Variants in ACBD6 observed in about 807,000 individuals in gnomAD.
The protein encoded by ACBD6 is acyl-CoA-binding domain-containing protein 6.
In ACBD6, 28 loss-of-function variants were observed where a neutral mutation model predicts 37.2. The observed-to-expected ratio is 0.75, with a 90% CI of 0.56 to 1.03. The LOEUF is 1.03. Among genes scored for constraint, ACBD6 ranks in the 50% least tolerant of loss-of-function variants. The pLI is 0.00. For synonymous variants in ACBD6, 113 were observed against 126.8 expected (o/e 0.89, Z 0.73); for missense variants, 340 against 337.4 (o/e 1.01, Z -0.06).
chr1:180,492,959 A>G (rs191869626), intron 2 of ACBD6, among the ~76,000 whole-genome samples: 3 of 152,104 alleles, frequency 2.0e-5, no homozygotes, highest in Admixed American at 6.5e-5. Context: ...GGCAGAAATA[A>G]GAATACTGGC....
At chr1:180,472,048 C>A (rs1232819699) in intron 3 of ACBD6, among the ~76,000 whole-genome samples, 2 of 152,142 alleles carry the variant, frequency 1.3e-5, no homozygotes, top group Non-Finnish European at 2.9e-5. Context: ...TAAAGTTATT[C>A]ACTTAATGAT....
At chr1:180,271,978 G>A in intron 13 of ACBD6, 1 of 1,612,970 alleles carries the variant, frequency 6.2e-7, no homozygotes, top group Non-Finnish European at 8.5e-7. Flanking sequence ...AGGACTGTGG[G>A]GTTAGTGACA....
intron 6 of ACBD6, among the ~76,000 whole-genome samples, chr1:180,363,272 T>C (rs1452990309): frequency 6.6e-6 from 1 of 152,168 alleles, no homozygotes; most frequent in East Asian, 1.9e-4. Flanking sequence ...TTTAAAACGA[T>C]TGTGAGGAAA....
chr1:180,456,337 C>T (rs143914345), intron 3 of ACBD6, among the ~76,000 whole-genome samples: 18 of 152,054 alleles, frequency 1.2e-4, no homozygotes, highest in South Asian at 6.2e-4. Flanking sequence ...TATCAAGGAA[C>T]GGCACAAGTG....
At chr1:180,457,788 T>C (rs1161591776) in intron 3 of ACBD6, among the ~76,000 whole-genome samples, 1 of 149,174 alleles carries the variant, frequency 6.7e-6, no homozygotes, top group East Asian at 1.9e-4. Context: ...CCACAAAAAT[T>C]AACTGTTTTT....
At chr1:180,472,991 T>C (rs927012535) in intron 3 of ACBD6, among the ~76,000 whole-genome samples, 1 of 152,066 alleles carries the variant, frequency 6.6e-6, no homozygotes, top group Non-Finnish European at 1.5e-5. Flanking sequence ...AACAAAAGCA[T>C]AGAATAATTC....
intron 6 of ACBD6, among the ~76,000 whole-genome samples, chr1:180,337,139 C>T (rs1424278299): frequency 6.6e-6 from 1 of 152,136 alleles, no homozygotes; most frequent in African/African-American, 2.4e-5. Flanking sequence ...GGGAATCCTC[C>T]CTAACTCATT....
rs143361320 is a variant in ACBD6, at chr1:180,366,461, G to C, written c.663+31055C>G. On this transcript the variant is annotated intron_variant, in intron 6 of 7. Coordinates refer to ENST00000367595, the MANE Select transcript of ACBD6 (RefSeq NM_032360.4). The stretch of plus-strand genomic sequence containing the variant: ...TCTGGTTAATAGCAGTACCAAGAGA[G>C]AATGTAGCCAGGGGACCATTAAGAA... Among the ~76,000 whole-genome samples, 722 of 152,286 alleles carry C rather than the reference G, an allele frequency of 4.7e-3. 5 individuals carry two copies. Among genetic ancestry groups the C allele is most frequent in the African/African-American group, 0.016 (680 of 41,566 alleles).
chr1:180,488,263 C>A (rs934619190), intron 3 of ACBD6, among the ~76,000 whole-genome samples: 1 of 152,020 alleles, frequency 6.6e-6, no homozygotes, highest in East Asian at 1.9e-4. Flanking sequence ...ATCCTCCCCC[C>A]AAAACAAAGG....
intron 3 of ACBD6, among the ~76,000 whole-genome samples, chr1:180,438,127 T>A (rs1202638320): frequency 6.6e-6 from 1 of 152,164 alleles, no homozygotes; most frequent in Non-Finnish European, 1.5e-5. Context: ...GAACTGCACA[T>A]GTGAGGGGTC....
chr1:180,274,595 AC>A, intron 10 of ACBD6: 1 of 1,544,056 alleles, frequency 6.5e-7, no homozygotes, highest in African/African-American at 1.4e-5. Flanking sequence ...TCTCCTCCCC[AC>A]CCTACCTGCC....
At chr1:180,449,656 C>G (rs930240269) in intron 3 of ACBD6, among the ~76,000 whole-genome samples, 1 of 152,010 alleles carries the variant, frequency 6.6e-6, no homozygotes, top group Non-Finnish European at 1.5e-5. Flanking sequence ...GATCTGCCCT[C>G]CTCGGCCTCC....
chr1:180,384,686 G>T (rs770507721), intron 6 of ACBD6, among the ~76,000 whole-genome samples: 7 of 152,094 alleles, frequency 4.6e-5, no homozygotes, highest in Non-Finnish European at 1.0e-4. Flanking sequence ...TGTATCAAAG[G>T]TACACCTGCA....
intron 9 of ACBD6, chr1:180,276,714 G>C (rs1270597225): frequency 6.6e-6 from 1 of 152,252 alleles, no homozygotes; most frequent in East Asian, 1.9e-4. Flanking sequence ...TGAACCAGAT[G>C]AAAAGCTGCC....
In ACBD6 at chr1:180,496,493, T is replaced by G. The variant is rs763434797; in HGVS notation, c.223-968A>C. 8.5e-5 allele frequency among the ~76,000 whole-genome samples: 13 copies of G among 152,320 alleles called. 1 individual carries two copies. The highest frequency in any genetic ancestry group is 3.4e-3 in the Middle Eastern group (1 of 294). ...AACTGATGCCTTCATCTAACCAGAA[T>G]GATCTACTGACTGCCTTAGGTATTC... On this transcript the variant is annotated intron_variant, in intron 1 of 7. Coordinates refer to ENST00000367595, the MANE Select transcript of ACBD6 (RefSeq NM_032360.4).
At chr1:180,431,879 C>T (rs1048056330) in intron 3 of ACBD6, among the ~76,000 whole-genome samples, 5 of 152,058 alleles carry the variant, frequency 3.3e-5, no homozygotes, top group African/African-American at 9.7e-5. Context: ...TACTGGGTTT[C>T]GCAATGACTT....
At chr1:180,413,263 A>T in intron 5 of ACBD6, 103 bp downstream of exon 5, 1 of 831,480 alleles carries the variant, frequency 1.2e-6, no homozygotes. Context: ...TCTTAACCAT[A>T]CTGTACTTTG....
chr1:180,337,511 A>G (rs1474081576), intron 6 of ACBD6, among the ~76,000 whole-genome samples: 1 of 152,218 alleles, frequency 6.6e-6, no homozygotes, highest in Non-Finnish European at 1.5e-5. Flanking sequence ...TCTCAAAATA[A>G]TAAGAGCTAT....
chr1:180,386,834 T>TC (rs397825792), intron 6 of ACBD6, among the ~76,000 whole-genome samples: 1 of 45,704 alleles, frequency 2.2e-5, no homozygotes, highest in Non-Finnish European at 1.0e-4. Context: ...TGTTTGTAAC[T>TC]ACTCATTGAA....
Sources: allele counts gnomAD v4.1 joint callset (sites outside exome capture counted in the v4.1 genomes callset), GRCh38; gene constraint gnomAD v4.1.1; transcripts MANE v1.5; gene names NCBI Gene and HGNC (gene_info 2026-07-23, HGNC 2026-07-21).